KCNQ3: variants seen among roughly 807,000 people sequenced by gnomAD.
KCNQ3 encodes the protein potassium voltage-gated channel subfamily Q member 3.
A neutral mutation model predicts 92.5 loss-of-function variants in KCNQ3; 30 were observed. That is an observed-to-expected ratio of 0.32 (90% CI 0.24 to 0.44). The LOEUF (loss-of-function observed/expected upper bound fraction) is 0.44, where lower values mean the gene tolerates loss of function less well. Ranked by LOEUF, KCNQ3 falls within the 20% of genes least tolerant of loss-of-function variation. KCNQ3 has a pLI of 1.00. For missense variants in KCNQ3, 913 were observed against 1,140.3 expected (o/e 0.80, Z 2.87); for synonymous variants, 450 against 468.8 (o/e 0.96, Z 0.52).
intron 9 of KCNQ3, among the ~76,000 whole-genome samples, chr8:132,159,050 T>C (rs1269826242): frequency 2.6e-5 from 4 of 152,176 alleles, no homozygotes; most frequent in Admixed American, 1.3e-4. Context: ...GTTATCTATT[T>C]TGAGAATTTA....
At chr8:132,233,843 G>A (rs1814718200) in intron 1 of KCNQ3, among the ~76,000 whole-genome samples, 1 of 152,024 alleles carries the variant, frequency 6.6e-6, no homozygotes, top group Non-Finnish European at 1.5e-5. Context: ...AATTCTGAAG[G>A]TGGAGAAGCG....
chr8:132,180,473 C>T, intron 3 of KCNQ3, 144 bp from the exon 4 acceptor site: 1 of 798,620 alleles, frequency 1.3e-6, no homozygotes, highest in Non-Finnish European at 2.1e-6. Flanking sequence ...TGAATCTTGC[C>T]ACCAACAACA....
intron 1 of KCNQ3, among the ~76,000 whole-genome samples, chr8:132,392,605 T>G (rs1218815505): frequency 2.0e-5 from 3 of 151,836 alleles, no homozygotes; most frequent in Non-Finnish European, 4.4e-5. Context: ...GCAACACTCT[T>G]AACCTGAGCA....
intron 1 of KCNQ3, among the ~76,000 whole-genome samples, chr8:132,256,454 T>C (rs184720904): frequency 5.3e-5 from 8 of 152,238 alleles, no homozygotes; most frequent in Admixed American, 3.9e-4. Context: ...GAAATATGGC[T>C]GAAAACTTCC....
intron 1 of KCNQ3, among the ~76,000 whole-genome samples, chr8:132,213,948 G>C (rs1039082257): frequency 6.6e-6 from 1 of 152,090 alleles, no homozygotes; most frequent in East Asian, 1.9e-4. Context: ...TTTTCTCCTT[G>C]AAATGAGGAC....
intron 9 of KCNQ3, among the ~76,000 whole-genome samples, chr8:132,159,861 T>TCATC (rs1286314618): frequency 6.6e-6 from 1 of 152,034 alleles, no homozygotes; most frequent in Non-Finnish European, 1.5e-5. Context: ...ATCCACCCAT[T>TCATC]CATCCATCCA....
At chr8:132,371,106 A>C (rs1295370327) in intron 1 of KCNQ3, among the ~76,000 whole-genome samples, 2 of 152,188 alleles carry the variant, frequency 1.3e-5, no homozygotes, top group Non-Finnish European at 2.9e-5. Flanking sequence ...GTTGACTCCC[A>C]GGCACAAAAA....
intron 9 of KCNQ3, among the ~76,000 whole-genome samples, chr8:132,143,545 C>T (rs1338045959): frequency 6.6e-6 from 1 of 152,180 alleles, no homozygotes; most frequent in East Asian, 1.9e-4. Context: ...TCCTGACAAA[C>T]CATGTGACCT....
chr8:132,330,615 T>C (rs1818201427), intron 1 of KCNQ3, among the ~76,000 whole-genome samples: 2 of 152,206 alleles, frequency 1.3e-5, no homozygotes, highest in African/African-American at 4.8e-5. Flanking sequence ...GTCCTCCAAA[T>C]GCAAGGGGTT....
chr8:132,378,161 C>T (rs188968651), intron 1 of KCNQ3, among the ~76,000 whole-genome samples: 17 of 152,152 alleles, frequency 1.1e-4, no homozygotes, highest in African/African-American at 2.2e-4. Context: ...TGGGAGGCCA[C>T]GGTGGGTGGA....
At chr8:132,245,063 G>T (rs1815122357) in intron 1 of KCNQ3, among the ~76,000 whole-genome samples, 1 of 151,706 alleles carries the variant, frequency 6.6e-6, no homozygotes, top group South Asian at 2.1e-4. Context: ...TTAGCATCTT[G>T]AATGGTCTTG....
rs1017021023 is a variant in KCNQ3, at chr8:132,276,678, C to T, written c.387-90497G>A. Among the ~76,000 whole-genome samples, 23 of 152,164 alleles carry T rather than the reference C, an allele frequency of 1.5e-4. 1 individual carries two copies. Among genetic ancestry groups the T allele is most frequent in the Admixed American group, 1.5e-3 (23 of 15,266 alleles). On this transcript the variant is annotated intron_variant, in intron 1 of 14. Transcript: ENST00000388996. ...CTGCACCTGCATTGTTTTGAAATAT[C>T]ATAACAATCCTCCATGGTCAGCACC...
intron 1 of KCNQ3, among the ~76,000 whole-genome samples, chr8:132,410,459 C>A (rs1238357051): frequency 6.6e-6 from 1 of 152,164 alleles, no homozygotes; most frequent in Admixed American, 6.5e-5. Flanking sequence ...AAGAAGCAAA[C>A]CCGTCCACCT....
intron 8 of KCNQ3, among the ~76,000 whole-genome samples, chr8:132,166,844 A>C (rs1425518604): frequency 4.6e-5 from 7 of 152,288 alleles, no homozygotes; most frequent in African/African-American, 7.2e-5. Context: ...TTTGGCAGGA[A>C]TCTAAAATGG....
intron 1 of KCNQ3, among the ~76,000 whole-genome samples, chr8:132,460,558 C>A (rs1822039020): frequency 6.6e-6 from 1 of 152,148 alleles, no homozygotes; most frequent in Non-Finnish European, 1.5e-5. Context: ...AACAACAGCA[C>A]TTACGTACTA....
rs901149284 is a variant in KCNQ3, at chr8:132,124,446, G to A, written c.*4816C>T. 2.6e-5 allele frequency: 4 copies of A among 152,154 alleles called. No homozygotes were observed. Among genetic ancestry groups the A allele is most frequent in the East Asian group, 3.8e-4 (2 of 5,198 alleles). 9.4% of individuals were successfully genotyped at this position (152,154 alleles called of 1,614,324 possible). A position where few individuals can be genotyped will look rare whatever the true frequency, so the allele number is the denominator to read the frequency against. ...TTGTCTCACTTGAAAATCAAAACAC[G>A]GCAGAAGAGTCAAATGCTTTTGAAT... On this transcript the variant is annotated 3_prime_UTR_variant, in exon 15 of 15. Coordinates refer to ENST00000388996, the MANE Select transcript of KCNQ3 (RefSeq NM_004519.4).
rs1271083441 is a variant in KCNQ3, at chr8:132,123,157, T to G, written c.*6105A>C. On this transcript the variant is annotated 3_prime_UTR_variant, in exon 15 of 15. Coordinates refer to ENST00000388996, the MANE Select transcript of KCNQ3 (RefSeq NM_004519.4). ...ATAGGGATTTATCAAGAAGAAACCC[T>G]GTTTAATTGGCCTATAGATGAGGAT... The G allele has an allele frequency of 6.6e-6, 1 of 152,216 alleles. No homozygotes were observed. Among genetic ancestry groups the G allele is most frequent in the Non-Finnish European group, 1.5e-5 (1 of 68,050 alleles). 9.4% of individuals were successfully genotyped at this position (152,216 alleles called of 1,614,324 possible). A position where few individuals can be genotyped will look rare whatever the true frequency, so the allele number is the denominator to read the frequency against.
At chr8:132,447,054 C>A in intron 1 of KCNQ3, 1 of 664,614 alleles carries the variant, frequency 1.5e-6, no homozygotes, top group Non-Finnish European at 2.6e-6. Flanking sequence ...ATTTCCTGAG[C>A]CCCTTCTGGG....
At chr8:132,144,295 C>T (rs960804014) in intron 9 of KCNQ3, among the ~76,000 whole-genome samples, 7 of 152,310 alleles carry the variant, frequency 4.6e-5, no homozygotes, top group African/African-American at 1.4e-4. Flanking sequence ...AATTCTTCCT[C>T]CAGCAAAGTG....
Sources: gnomAD v4.1 joint callset for allele counts (sites outside exome capture counted in the v4.1 genomes callset) on GRCh38, gnomAD v4.1.1 for gene constraint, MANE v1.5 for transcripts, NCBI Gene and HGNC (gene_info 2026-07-23, HGNC 2026-07-21) for gene names.